BANP: variants seen among roughly 807,000 people sequenced by gnomAD.
BANP encodes BTG3 associated nuclear protein.
In BANP, 11 loss-of-function variants were observed where a neutral mutation model predicts 68.1. The ratio of observed to expected loss-of-function variants is 0.16; its 90% CI spans 0.10 to 0.27. The LOEUF is 0.27. Ranked by LOEUF, BANP falls within the 10% of genes least tolerant of loss-of-function variation. The probability of loss-of-function intolerance (pLI) is 1.00; values close to 1 mark genes in which losing one functional copy is unlikely to be tolerated. For missense variants in BANP, 504 were observed against 722.7 expected, an observed-to-expected ratio of 0.70 and a Z score of 3.47; for synonymous variants, 329 against 303.2, an observed-to-expected ratio of 1.09 and a Z score of -0.88.
chr16:88,002,404 G>T lies in BANP; in HGVS notation c.363-1891G>T, dbSNP rs956531842. On this transcript the variant is annotated intron_variant, in intron 4 of 13. Coordinates refer to ENST00000682872, the MANE Select transcript of BANP (RefSeq NM_001386991.1). This position sits in a 1 kb window ranked among gnomAD's most constrained non-coding sequence, Gnocchi z 4.6. ...TTGTCACGCCCGTGCTGGTGTTCAG[G>T]TGGCCCTGCGCTGGCTCCTGGGGTC... Among the ~76,000 whole-genome samples the T allele has an allele frequency of 4.6e-5, 7 of 152,198 alleles. No individual in the cohort carries two copies. Among genetic ancestry groups the T allele is most frequent in the Non-Finnish European group, 1.0e-4 (7 of 68,036 alleles).
chr16:87,968,637 G>A (rs985025899), intron 1 of BANP, among the ~76,000 whole-genome samples: 5 of 152,166 alleles, frequency 3.3e-5, no homozygotes, highest in Non-Finnish European at 5.9e-5. Flanking sequence ...TTCAGAGGAC[G>A]CAGGTTTAGT....
rs201611367 is a variant in BANP, at chr16:88,065,365, C to T, written c.1377+33C>T. ...CTTTGTACATCCCATCTCTCCCACC[C>T]TCTGTGGCTGGGAGGAGTCTCTGCT... On this transcript the variant is annotated intron_variant, in intron 12 of 13. Transcript: ENST00000682872. 510 of 745,298 alleles carry T rather than the reference C, an allele frequency of 6.8e-4. 2 individuals are homozygous for T. In the East Asian group the frequency reaches 7.6e-3, roughly 11 times the overall value. 46.2% of individuals were successfully genotyped at this position (745,298 alleles called of 1,614,324 possible).
chr16:88,038,697 C>T (rs558831238), intron 11 of BANP, among the ~76,000 whole-genome samples: 15 of 152,242 alleles, frequency 9.9e-5, no homozygotes, highest in Non-Finnish European at 2.2e-4. Context: ...TCCGACGGTG[C>T]GGGTCCTGGG....
chr16:88,028,710 G>A (rs2077492922), intron 8 of BANP, among the ~76,000 whole-genome samples: 1 of 152,224 alleles, frequency 6.6e-6, no homozygotes, highest in Admixed American at 6.5e-5. Flanking sequence ...CCATGTAGCA[G>A]CGTAACCTGT....
At chr16:88,029,375 C>A (rs921572853) in intron 8 of BANP, among the ~76,000 whole-genome samples, 1 of 148,080 alleles carries the variant, frequency 6.8e-6, no homozygotes, top group Non-Finnish European at 1.5e-5. Context: ...TTTGGGAGGC[C>A]AAGGCGGGCA....
At chr16:88,034,731 A>G (rs909772686) in intron 9 of BANP, among the ~76,000 whole-genome samples, 4 of 152,230 alleles carry the variant, frequency 2.6e-5, no homozygotes, top group African/African-American at 9.6e-5. Flanking sequence ...CTTGTTTAGT[A>G]ACATTTAAAG....
At chr16:88,020,441 G>A (rs111723899) in intron 7 of BANP, among the ~76,000 whole-genome samples, 4 of 152,334 alleles carry the variant, frequency 2.6e-5, no homozygotes, top group African/African-American at 9.6e-5. Flanking sequence ...GGTGCTTGCT[G>A]TGTGGATCAC....
chr16:87,994,200 C>T (rs1429945584), intron 4 of BANP, among the ~76,000 whole-genome samples: 1 of 152,240 alleles, frequency 6.6e-6, no homozygotes, highest in African/African-American at 2.4e-5. Flanking sequence ...GCATCCTGTG[C>T]CGTTGCAGAG....
intron 11 of BANP, among the ~76,000 whole-genome samples, chr16:88,054,744 G>A (rs2084542346): frequency 6.6e-6 from 1 of 152,240 alleles, no homozygotes; most frequent in Admixed American, 6.5e-5. Context: ...GAATATTTAT[G>A]GAGGGTCAGT....
At chr16:87,971,520 T>C (rs945009615) in intron 1 of BANP, among the ~76,000 whole-genome samples, 5 of 152,132 alleles carry the variant, frequency 3.3e-5, no homozygotes, top group African/African-American at 4.8e-5. Context: ...CTGTTGGAGT[T>C]TGATAGTTAA....
chr16:87,974,815 C>T (rs2061720636), intron 1 of BANP, among the ~76,000 whole-genome samples: 1 of 152,026 alleles, frequency 6.6e-6, no homozygotes, highest in Admixed American at 6.6e-5. Flanking sequence ...ACGGAGAGGC[C>T]CCGGGTGGCT....
At chr16:88,050,912 C>T (rs2083106401) in intron 11 of BANP, among the ~76,000 whole-genome samples, 1 of 152,130 alleles carries the variant, frequency 6.6e-6, no homozygotes, top group Non-Finnish European at 1.5e-5. Context: ...GTCTCAAACT[C>T]CTGCGCTCAA....
Position 88,064,227 on chromosome 16 carries a change from G to A in BANP, c.1312-1040G>A, listed in dbSNP as rs1308968043. Among the ~76,000 whole-genome samples the A allele has an allele frequency of 1.3e-5, 2 of 152,190 alleles. No individual in the cohort carries two copies. The highest frequency in any genetic ancestry group is 3.4e-3 in the Middle Eastern group (1 of 294). ...GGAGCAGGGGGGGAGAGTGGACAGC[G>A]AGGCGGTGGATGTTGAGGCAGTTGT... On this transcript the variant is annotated intron_variant, in intron 11 of 13. Transcript: ENST00000682872. This position sits in a 1 kb window ranked among gnomAD's most constrained non-coding sequence, Gnocchi z 4.5.
chr16:87,987,565 A>G (rs1215680778), intron 4 of BANP, among the ~76,000 whole-genome samples: 1 of 151,768 alleles, frequency 6.6e-6, no homozygotes, highest in Non-Finnish European at 1.5e-5. Flanking sequence ...TCTGCACAAA[A>G]AAATAAAAAA....
intron 4 of BANP, among the ~76,000 whole-genome samples, chr16:87,990,471 G>C (rs578224630): frequency 2.0e-5 from 3 of 152,140 alleles, no homozygotes; most frequent in African/African-American, 7.2e-5. Flanking sequence ...GAGCATCTCT[G>C]TTCTGGCACG....
intron 11 of BANP, among the ~76,000 whole-genome samples, chr16:88,042,242 T>G (rs2080998939): frequency 6.6e-6 from 1 of 152,218 alleles, no homozygotes; most frequent in Non-Finnish European, 1.5e-5. Flanking sequence ...TTGGAAAGAT[T>G]GGCAGAGCAC....
rs183105691 is a variant in BANP, at chr16:88,006,677, G to T, written c.655+412G>T. On this transcript the variant is annotated intron_variant, in intron 6 of 13. Transcript: ENST00000682872. The stretch of plus-strand genomic sequence containing the variant: ...AAAAAAAGTGATACAGTATAGGACA[G>T]GCTCAGTGGCTCACACCTGTAATTC... 6.4e-3 allele frequency among the ~76,000 whole-genome samples: 964 copies of T among 151,290 alleles called. 7 individuals are homozygous for T. Among genetic ancestry groups the T allele is most frequent in the African/African-American group, 0.022 (888 of 41,188 alleles).
At chr16:88,027,685 C>A (rs1268353152) in intron 8 of BANP, 35 bp downstream of exon 8, 2 of 1,609,894 alleles carry the variant, frequency 1.2e-6, no homozygotes, top group Non-Finnish European at 1.7e-6. Flanking sequence ...CCGCCCTCCC[C>A]CGCTCGGGGC....
intron 4 of BANP, among the ~76,000 whole-genome samples, chr16:87,991,438 T>A (rs1567683386): frequency 1.3e-5 from 2 of 152,248 alleles, no homozygotes; most frequent in Non-Finnish European, 2.9e-5. Flanking sequence ...TTAGAATAAC[T>A]CAGAACTCAT....
Sources: gnomAD v4.1 joint callset for allele counts (sites outside exome capture counted in the v4.1 genomes callset) on GRCh38, gnomAD v4.1.1 for gene constraint, Gnocchi (gnomAD v3.1) non-coding constraint, MANE v1.5 for transcripts, NCBI Gene and HGNC (gene_info 2026-07-23, HGNC 2026-07-21) for gene names.